Variants in TBC1D2 observed in about 807,000 individuals in gnomAD.
TBC1D2 encodes the protein TBC1 domain family member 2, also known as TBC1 domain family member 2A.
Under a neutral mutation model 91.1 loss-of-function variants are expected in TBC1D2, and 58 were observed. That is an observed-to-expected ratio of 0.64 (90% confidence interval 0.52 to 0.79). The LOEUF (loss-of-function observed/expected upper bound fraction) is 0.79, where lower values mean the gene tolerates loss of function less well. TBC1D2 is among the 30% of genes least tolerant of loss of function. The pLI is 0.00. For synonymous variants in TBC1D2, 482 were observed against 511.5 expected (o/e 0.94, Z 0.78); for missense variants, 1,080 against 1,208.3 (o/e 0.89, Z 1.57).
At position 98,200,345 on chromosome 9, in the gene TBC1D2, G is replaced by A. The variant is rs199893959; in HGVS notation, c.2487C>T (p.Phe829=). Reference sequence around the variant, plus strand: ...TCAAGATCTCCTTCTCGTTGTACTTGAAAATGGCCAAGGCATAGCGAAACA... The same window carrying A: ...TCAAGATCTCCTTCTCGTTGTACTTAAAAATGGCCAAGGCATAGCGAAACA... ...KVVFRYALAI[F]KYNEKEILRL... The change falls in exon 12 of 13, where the codon TTC becomes TTT. Residue 829 remains phenylalanine (F), a synonymous_variant. Coordinates refer to ENST00000465784, the MANE Select transcript of TBC1D2 (RefSeq NM_001267571.2). 3.9e-4 allele frequency: 621 copies of A among 1,610,624 alleles called. No homozygotes were observed. Among genetic ancestry groups the A allele is most frequent in the Admixed American group, 1.1e-3 (63 of 59,758 alleles).
intron 9 of TBC1D2, among the ~76,000 whole-genome samples, chr9:98,206,455 G>A (rs1828657500): frequency 6.6e-6 from 1 of 152,158 alleles, no homozygotes; most frequent in Admixed American, 6.5e-5. Context: ...CTTCCACACA[G>A]GGAGAAGCTT....
At chr9:98,214,674 C>A (rs1446572611) in intron 6 of TBC1D2, among the ~76,000 whole-genome samples, 1 of 152,250 alleles carries the variant, frequency 6.6e-6, no homozygotes, top group Non-Finnish European at 1.5e-5. Flanking sequence ...TCGTCAGGGT[C>A]ACATGTGCAC....
At chr9:98,244,153 C>A in intron 2 of TBC1D2, 24 bp from the exon 3 acceptor site, 2 of 1,611,886 alleles carry the variant, frequency 1.2e-6, no homozygotes, top group South Asian at 1.1e-5. Flanking sequence ...AAAGGGAAAT[C>A]CATCAGCTGG....
chr9:98,248,245 GGA>G (rs1316149166), intron 2 of TBC1D2, among the ~76,000 whole-genome samples: 1 of 152,252 alleles, frequency 6.6e-6, no homozygotes, highest in African/African-American at 2.4e-5. Context: ...CCAATGCAAA[GGA>G]GTGTGCAAGG....
At chr9:98,218,794 G>A (rs533978911) in intron 6 of TBC1D2, among the ~76,000 whole-genome samples, 7 of 152,050 alleles carry the variant, frequency 4.6e-5, no homozygotes, top group Admixed American at 1.3e-4. Flanking sequence ...GGGCTCAAGC[G>A]ATCCTCCCAC....
Position 98,221,041 on chromosome 9 carries a change from G to A in TBC1D2, c.1166C>T (p.Thr389Ile), listed in dbSNP as rs778814680. The A allele has an allele frequency of 6.2e-7, 1 of 1,613,488 alleles. No homozygotes were observed. Among genetic ancestry groups the A allele is most frequent in the Non-Finnish European group, 8.5e-7 (1 of 1,179,920 alleles). ...LEQERESLAH[T>I]ASLREQQVQE... ...CACCTGCTGCTCCCGCAGGCTCGCT[G>A]TGTGCGCCAGGCTCTCCCGCTCCTG... The change falls in exon 6 of 13, where the codon ACA (threonine) becomes ATA (isoleucine). Residue 389 changes from threonine to isoleucine, a missense_variant. Coordinates refer to ENST00000465784, the MANE Select transcript of TBC1D2 (RefSeq NM_001267571.2).
chr9:98,236,749 A>G (rs1829514238), intron 3 of TBC1D2, among the ~76,000 whole-genome samples: 1 of 152,186 alleles, frequency 6.6e-6, no homozygotes, highest in African/African-American at 2.4e-5. Flanking sequence ...GAATCCAAAA[A>G]TGGTCTGCAA....
chr9:98,249,353 C>T (rs1486408707), intron 2 of TBC1D2, among the ~76,000 whole-genome samples: 3 of 152,186 alleles, frequency 2.0e-5, no homozygotes, highest in Non-Finnish European at 2.9e-5. Flanking sequence ...AAGAGGCCCG[C>T]CGTGTGTGCT....
At position 98,199,574 on chromosome 9, in the gene TBC1D2, A is replaced by G; in HGVS notation, c.2594T>C (p.Ile865Thr). 1 of 1,613,994 alleles carries G rather than the reference A, an allele frequency of 6.2e-7. No individual in the cohort carries two copies. Among genetic ancestry groups the G allele is most frequent in the Non-Finnish European group, 8.5e-7 (1 of 1,180,036 alleles). ...GAAGGGGTTCATGTCATTGAAGGCG[A>G]TGTTCATCAGCTTCCTGGGAGGAGG... ...TISNSRKLMN[I>T]AFNDMNPFRM... Residue 865 changes from isoleucine to threonine, a missense_variant, in exon 13 of 13, where the codon ATC (isoleucine) becomes ACC (threonine). Transcript: ENST00000465784.
In TBC1D2 at chr9:98,251,928, T is replaced by C. The variant is rs764083743; in HGVS notation, c.370-2A>G. ...CAGCATCGCTTGCTTGGTGGCGGCCTGAGAAGCACAAGGATTAGTTGGCAA... is the reference window on the plus strand; with the variant it reads ...CAGCATCGCTTGCTTGGTGGCGGCCCGAGAAGCACAAGGATTAGTTGGCAA... On this transcript the variant is annotated splice_acceptor_variant, in intron 1 of 12. Transcript: ENST00000465784. LOFTEE classifies it high-confidence loss of function. 1.9e-6 allele frequency: 3 copies of C among 1,597,760 alleles called. No homozygotes were observed. Among genetic ancestry groups the C allele is most frequent in the Admixed American group, 3.5e-5 (2 of 57,526 alleles).
chr9:98,233,551 T>C lies in TBC1D2; in HGVS notation c.648-2A>G, dbSNP rs201781268. On this transcript the variant is annotated splice_acceptor_variant, in intron 3 of 12. Transcript: ENST00000465784. LOFTEE classifies it high-confidence loss of function. ...CCACGGATGTTGTGCATTGTGTTCCTGAAAGGAGACAAGAACAGAGGAGCA... is the reference window on the plus strand; with the variant it reads ...CCACGGATGTTGTGCATTGTGTTCCCGAAAGGAGACAAGAACAGAGGAGCA... 4.3e-6 allele frequency: 7 copies of C among 1,613,824 alleles called. No individual in the cohort carries two copies. Among genetic ancestry groups the C allele is most frequent in the Non-Finnish European group, 5.1e-6 (6 of 1,179,920 alleles).
chr9:98,210,754 G>A lies in TBC1D2; in HGVS notation c.1575C>T (p.Ala525=), dbSNP rs61756693. ...RRLQEALGDE[A]SECSELLRQL... ...GCCTCAGCAGCTCTGAGCACTCGCT[G>A]GCTTCGTCCCCCAGGGCCTCCTGCA... Residue 525 remains alanine, a synonymous_variant, in exon 8 of 13, where the codon GCC becomes GCT. Transcript: ENST00000465784. 1.9e-6 allele frequency: 3 copies of A among 1,571,954 alleles called. No homozygotes were observed. In the Admixed American group the frequency reaches 5.5e-5, roughly 29 times the overall value.
At chr9:98,236,842 T>A (rs1305770098) in intron 3 of TBC1D2, among the ~76,000 whole-genome samples, 1 of 152,188 alleles carries the variant, frequency 6.6e-6, no homozygotes, top group Non-Finnish European at 1.5e-5. Flanking sequence ...AAACACTGCT[T>A]TCTGAGAATT....
At chr9:98,219,962 T>C (rs1588042911) in intron 6 of TBC1D2, among the ~76,000 whole-genome samples, 1 of 152,216 alleles carries the variant, frequency 6.6e-6, no homozygotes, top group East Asian at 1.9e-4. Flanking sequence ...TCACAACCCT[T>C]TAGAGAGGAG....
chr9:98,224,154 A>G (rs146176329), intron 5 of TBC1D2, among the ~76,000 whole-genome samples: 2,264 of 150,832 alleles, frequency 0.015, 62 homozygotes, highest in African/African-American at 0.052. Context: ...CTGAGATCGC[A>G]CCACTGCACT....
At chr9:98,207,176 A>G (rs1828676279) in intron 9 of TBC1D2, among the ~76,000 whole-genome samples, 1 of 152,188 alleles carries the variant, frequency 6.6e-6, no homozygotes, top group Admixed American at 6.5e-5. Flanking sequence ...CACATGCTCA[A>G]TTTCACCCAA....
At chr9:98,216,012 A>T (rs7021760) in intron 6 of TBC1D2, among the ~76,000 whole-genome samples, 9 of 152,120 alleles carry the variant, frequency 5.9e-5, no homozygotes, top group Middle Eastern at 3.4e-3. Context: ...AAGACGCTGG[A>T]GTTGGCCATG....
At chr9:98,220,809 C>T (rs1829076287) in intron 6 of TBC1D2, 24 bp downstream of exon 6, 1 of 1,608,650 alleles carries the variant, frequency 6.2e-7, no homozygotes, top group African/African-American at 1.3e-5. Context: ...GCAGGACTGG[C>T]AGGCCCTGAG....
chr9:98,202,720 C>A, intron 10 of TBC1D2, among the ~76,000 whole-genome samples: 1 of 152,186 alleles, frequency 6.6e-6, no homozygotes, highest in East Asian at 1.9e-4. Flanking sequence ...ATACTATTCC[C>A]TCTATCGTTT....
Sources: allele counts gnomAD v4.1 joint callset (sites outside exome capture counted in the v4.1 genomes callset), GRCh38; gene constraint gnomAD v4.1.1; transcripts MANE v1.5; gene names NCBI Gene and HGNC (gene_info 2026-07-23, HGNC 2026-07-21).